The following CTNNA2 variants were observed in gnomAD, a reference collection of about 807,000 sequenced individuals.
CTNNA2 encodes the protein catenin alpha 2.
Under a neutral mutation model 101.0 loss-of-function variants are expected in CTNNA2, and 42 were observed. The ratio of observed to expected loss-of-function variants is 0.42; its 90% confidence interval spans 0.32 to 0.54. CTNNA2 has a LOEUF of 0.54. Among genes scored for constraint, CTNNA2 ranks in the 20% least tolerant of loss-of-function variants. The pLI, the probability that CTNNA2 is intolerant of heterozygous loss-of-function variation, is 0.14. For synonymous variants in CTNNA2, 450 were observed against 456.4 expected (o/e 0.99, Z 0.18); for missense variants, 871 against 1,223.1 (o/e 0.71, Z 4.29).
chr2:79,747,904 G>A (rs1449435946), intron 3 of CTNNA2, among the ~76,000 whole-genome samples: 3 of 152,260 alleles, frequency 2.0e-5, no homozygotes, highest in African/African-American at 7.2e-5. Flanking sequence ...CTTGAACAGT[G>A]TCAAATTCAA....
chr2:79,579,317 A>T, intron 1 of CTNNA2, among the ~76,000 whole-genome samples: 1 of 133,396 alleles, frequency 7.5e-6, no homozygotes, highest in African/African-American at 2.9e-5. Context: ...AATTCTAATC[A>T]TTTTTTTTAT....
chr2:79,594,575 G>A, intron 1 of CTNNA2, among the ~76,000 whole-genome samples: 1 of 152,034 alleles, frequency 6.6e-6, no homozygotes, highest in Non-Finnish European at 1.5e-5. Flanking sequence ...GAACATTGAG[G>A]CTGTTAGACC....
chr2:79,938,511 T>C (rs1035738925), intron 7 of CTNNA2, among the ~76,000 whole-genome samples: 1 of 152,216 alleles, frequency 6.6e-6, no homozygotes, highest in Non-Finnish European at 1.5e-5. Context: ...TCAGAAAATA[T>C]TATTATCCAA....
rs111400061 is a variant in CTNNA2, at chr2:79,375,860, AT to A, written c.-135+1851del. On this transcript the variant is annotated intron_variant, in intron 4 of 21. Coordinates refer to the CTNNA2 transcript ENST00000466387. ...TTTACCCAAACTCATACATTCATTC[AT>A]TTTAAAAAGTGCATCCTTGGAACAA... Among the ~76,000 whole-genome samples, 1,451 of 152,290 alleles carry A rather than the reference AT, an allele frequency of 9.5e-3. 27 individuals carry two copies. Among genetic ancestry groups the A allele is most frequent in the African/African-American group, 0.033 (1,366 of 41,558 alleles).
At chr2:79,628,636 T>C (rs1679482178) in intron 1 of CTNNA2, among the ~76,000 whole-genome samples, 1 of 152,366 alleles carries the variant, frequency 6.6e-6, no homozygotes, top group East Asian at 1.9e-4. Context: ...AGATGATTCC[T>C]GCTGATTTCT....
At chr2:79,365,469 T>A (rs1444865568) in intron 3 of CTNNA2, among the ~76,000 whole-genome samples, 1 of 151,356 alleles carries the variant, frequency 6.6e-6, no homozygotes, top group Non-Finnish European at 1.5e-5. Flanking sequence ...ACAAATTTTT[T>A]TTTTAAATTA....
chr2:79,394,809 A>G (rs887533485), intron 4 of CTNNA2, among the ~76,000 whole-genome samples: 5 of 152,130 alleles, frequency 3.3e-5, no homozygotes, highest in Admixed American at 6.5e-5. Flanking sequence ...TGCTAAATGT[A>G]AAAAAGGCCA....
At chr2:79,726,104 A>G (rs1313308854) in intron 2 of CTNNA2, among the ~76,000 whole-genome samples, 1 of 152,202 alleles carries the variant, frequency 6.6e-6, no homozygotes, top group Non-Finnish European at 1.5e-5. Context: ...TTTCTAGAAG[A>G]CAAATTTTAA....
chr2:79,536,686 T>TTTTTCTTCTCTTTTC (rs1673091975), intron 1 of CTNNA2, among the ~76,000 whole-genome samples: 1 of 139,926 alleles, frequency 7.1e-6, no homozygotes, highest in South Asian at 2.4e-4. Flanking sequence ...ATGGATTTTT[T>TTTTTCTTCTCTTTTC]TTTTCTTTTC....
chr2:79,894,017 C>T (rs1002394907), intron 6 of CTNNA2, among the ~76,000 whole-genome samples: 2 of 135,700 alleles, frequency 1.5e-5, no homozygotes, highest in South Asian at 2.6e-4. Flanking sequence ...TCTTCTTCTT[C>T]TTCTTCTTCT....
At chr2:79,697,744 A>T (rs1054528605) in intron 2 of CTNNA2, 1 of 151,860 alleles carries the variant, frequency 6.6e-6, no homozygotes, top group African/African-American at 2.4e-5. Flanking sequence ...GTCTGTTGTT[A>T]AAAAAAATTA....
chr2:79,851,132 G>T (rs1680667288), intron 3 of CTNNA2, among the ~76,000 whole-genome samples: 1 of 152,174 alleles, frequency 6.6e-6, no homozygotes, highest in Admixed American at 6.5e-5. Context: ...CCAAGAAAAG[G>T]AGCCAAGAGG....
chr2:79,990,334 G>T (rs780896346), intron 7 of CTNNA2, among the ~76,000 whole-genome samples: 6 of 152,122 alleles, frequency 3.9e-5, no homozygotes, highest in Non-Finnish European at 7.3e-5. Context: ...GGATAGAGGG[G>T]AAGAAAGGTC....
intron 7 of CTNNA2, among the ~76,000 whole-genome samples, chr2:79,921,498 C>A (rs1000067925): frequency 2.5e-4 from 38 of 152,126 alleles, no homozygotes; most frequent in African/African-American, 8.7e-4. Context: ...CTTTGCCCTG[C>A]GAGATACTAA....
Position 79,502,225 on chromosome 2 carries a change from G to A in CTNNA2, c.-134-2829G>A, listed in dbSNP as rs147232242. Among the ~76,000 whole-genome samples the A allele has an allele frequency of 7.2e-3, 1,090 of 152,124 alleles. 9 individuals carry two copies. Among genetic ancestry groups the A allele is most frequent in the South Asian group, 0.025 (119 of 4,824 alleles). On this transcript the variant is annotated intron_variant, in intron 4 of 21. Coordinates refer to the CTNNA2 transcript ENST00000466387. ...AGCTAAAATTTGGAGAATATGTGTG[G>A]GAAAGATTCTAAAGATTTTGGAAGA...
intron 3 of CTNNA2, among the ~76,000 whole-genome samples, chr2:79,329,322 A>G (rs1484429654): frequency 6.6e-6 from 1 of 152,140 alleles, no homozygotes; most frequent in African/African-American, 2.4e-5. Context: ...CAACCCCGGG[A>G]ACAAGTATGT....
intron 6 of CTNNA2, among the ~76,000 whole-genome samples, chr2:79,906,069 A>C (rs1008286840): frequency 6.6e-6 from 1 of 152,136 alleles, no homozygotes; most frequent in African/African-American, 2.4e-5. Context: ...AGACAGACAC[A>C]TACAACTACA....
chr2:80,549,757 G>GC (rs1374931430), intron 11 of CTNNA2, among the ~76,000 whole-genome samples: 1 of 151,838 alleles, frequency 6.6e-6, no homozygotes, highest in Non-Finnish European at 1.5e-5. Context: ...GTAATTGATC[G>GC]CCCCTTCTCA....
At chr2:79,897,661 A>T (rs1205655947) in intron 6 of CTNNA2, among the ~76,000 whole-genome samples, 5 of 152,224 alleles carry the variant, frequency 3.3e-5, no homozygotes, top group Non-Finnish European at 2.9e-5. Context: ...AAGGAATTGG[A>T]GCCAGGTTTC....
Sources: allele counts gnomAD v4.1 joint callset (sites outside exome capture counted in the v4.1 genomes callset), GRCh38; gene constraint gnomAD v4.1.1; transcripts MANE v1.5; gene names NCBI Gene and HGNC (gene_info 2026-07-23, HGNC 2026-07-21).